Variants in PCCA observed in about 807,000 individuals in gnomAD.
PCCA encodes propionyl-CoA carboxylase alpha chain, mitochondrial.
Under a neutral mutation model 101.3 loss-of-function variants are expected in PCCA, and 74 were observed. The ratio of observed to expected loss-of-function variants is 0.73; its 90% CI spans 0.61 to 0.89. PCCA has a LOEUF of 0.89. Among genes scored for constraint, PCCA ranks in the 40% least tolerant of loss-of-function variants. The probability of loss-of-function intolerance (pLI) is 0.00; values close to 1 mark genes in which losing one functional copy is unlikely to be tolerated. For missense variants in PCCA, 891 were observed against 907.0 expected, an observed-to-expected ratio of 0.98 and a Z score of 0.23; for synonymous variants, 294 against 313.6, an observed-to-expected ratio of 0.94 and a Z score of 0.66.
intron 19 of PCCA, among the ~76,000 whole-genome samples, chr13:100,382,878 G>C (rs558245227): frequency 3.9e-5 from 6 of 152,108 alleles, no homozygotes; most frequent in African/African-American, 1.4e-4. Context: ...CATTAATAGA[G>C]GTGTCATCAA....
At chr13:100,197,420 C>T (rs573918918) in intron 6 of PCCA, among the ~76,000 whole-genome samples, 2 of 151,844 alleles carry the variant, frequency 1.3e-5, no homozygotes, top group Admixed American at 1.3e-4. Flanking sequence ...ATCTTGAACT[C>T]CTGGGCTTTA....
intron 22 of PCCA, among the ~76,000 whole-genome samples, chr13:100,520,369 C>T (rs768793884): frequency 2.0e-5 from 3 of 152,180 alleles, no homozygotes; most frequent in Non-Finnish European, 4.4e-5. Context: ...GGTTTTTGGC[C>T]GGGCGCGGTG....
At chr13:100,111,250 C>A (rs2048292629) in intron 2 of PCCA, among the ~76,000 whole-genome samples, 1 of 126,600 alleles carries the variant, frequency 7.9e-6, no homozygotes, top group Admixed American at 1.0e-4. Flanking sequence ...TCAGGATGGT[C>A]TCGATCTCCT....
chr13:100,201,457 G>T (rs903807987), intron 6 of PCCA, among the ~76,000 whole-genome samples: 1 of 152,064 alleles, frequency 6.6e-6, no homozygotes. Flanking sequence ...CTACGTTTCA[G>T]TTTCATATAA....
At chr13:100,488,831 A>G (rs922849316) in intron 21 of PCCA, among the ~76,000 whole-genome samples, 9 of 151,936 alleles carry the variant, frequency 5.9e-5, no homozygotes, top group African/African-American at 1.9e-4. Flanking sequence ...GGAAAGTGCT[A>G]TAGTAAACTT....
intron 18 of PCCA, among the ~76,000 whole-genome samples, chr13:100,365,946 T>C (rs2075117650): frequency 6.6e-6 from 1 of 152,160 alleles, no homozygotes; most frequent in African/African-American, 2.4e-5. Context: ...GGTAGCTTGG[T>C]TTAAGAGTCT....
chr13:100,142,359 C>CTT (rs1188349965), intron 4 of PCCA, among the ~76,000 whole-genome samples: 1 of 152,102 alleles, frequency 6.6e-6, no homozygotes, highest in African/African-American at 2.4e-5. Context: ...TTGCCTATTG[C>CTT]TGCTGCCAGG....
intron 11 of PCCA, among the ~76,000 whole-genome samples, chr13:100,272,064 A>G (rs1188712080): frequency 6.6e-6 from 1 of 152,258 alleles, no homozygotes; most frequent in South Asian, 2.1e-4. Context: ...CTTTCATAGA[A>G]GCAAAATCTG....
At chr13:100,230,837 G>T (rs2060426465) in intron 7 of PCCA, among the ~76,000 whole-genome samples, 3 of 152,174 alleles carry the variant, frequency 2.0e-5, no homozygotes, top group Admixed American at 6.5e-5. Flanking sequence ...TAATGGGCTA[G>T]GGAGGTGCAG....
chr13:100,249,753 A>G (rs476423), intron 8 of PCCA, among the ~76,000 whole-genome samples: 106,877 of 152,012 alleles, frequency 0.7, 38,642 homozygotes, highest in African/African-American at 0.88. Context: ...TTCTTTCGTC[A>G]GAGTTTTGTA....
chr13:100,234,892 AACACAC>A (rs370152898), intron 7 of PCCA, among the ~76,000 whole-genome samples: 13 of 95,282 alleles, frequency 1.4e-4, no homozygotes, highest in Non-Finnish European at 6.5e-5. Context: ...GAATTACACA[AACACAC>A]ACACACACAC....
chr13:100,233,038 T>A (rs1195793638), intron 7 of PCCA, among the ~76,000 whole-genome samples: 5 of 151,900 alleles, frequency 3.3e-5, no homozygotes, highest in Non-Finnish European at 5.9e-5. Flanking sequence ...TTTTTCAGAA[T>A]TTTTTTCTTA....
At chr13:100,342,410 T>C (rs897206266) in intron 18 of PCCA, among the ~76,000 whole-genome samples, 3 of 151,930 alleles carry the variant, frequency 2.0e-5, no homozygotes, top group African/African-American at 7.3e-5. Flanking sequence ...ACTACAGGCA[T>C]ACACTACCAC....
rs1271611045 is a variant in PCCA at position 100,515,599 on chromosome 13, T to A, written c.2040+32T>A. 5 of 1,610,542 alleles carry A rather than the reference T, an allele frequency of 3.1e-6. No individual in the cohort carries two copies. In the African/African-American group the frequency reaches 6.7e-5, roughly 21 times the overall value. ...GCTGTGTGTGTCTCTCTGCAGGACA[T>A]GCTGGTCTCCAACTTCCCCTTCCAA... On this transcript the variant is annotated intron_variant, in intron 22 of 23. Coordinates refer to ENST00000376285, the MANE Select transcript of PCCA (RefSeq NM_000282.4).
At chr13:100,117,842 C>T (rs767287009) in intron 4 of PCCA, among the ~76,000 whole-genome samples, 18 of 151,862 alleles carry the variant, frequency 1.2e-4, no homozygotes, top group Non-Finnish European at 2.2e-4. Context: ...AGAGGCCGGG[C>T]GTAGTGGCTC....
chr13:100,140,572 C>T (rs748589269), intron 4 of PCCA, among the ~76,000 whole-genome samples: 1 of 152,142 alleles, frequency 6.6e-6, no homozygotes, highest in Non-Finnish European at 1.5e-5. Flanking sequence ...TTTCCAAGGT[C>T]GGTCAGGGAG....
chr13:100,366,358 C>T (rs753798586), intron 18 of PCCA, among the ~76,000 whole-genome samples: 1 of 152,134 alleles, frequency 6.6e-6, no homozygotes, highest in Non-Finnish European at 1.5e-5. Flanking sequence ...TCAGCCTCCC[C>T]TTCTACACGT....
At position 100,246,696 on chromosome 13, in the gene PCCA, C is replaced by A. The variant is rs576227513; in HGVS notation, c.637+10818C>A. 2.6e-5 allele frequency among the ~76,000 whole-genome samples: 4 copies of A among 151,990 alleles called. No homozygotes were observed. In the East Asian group the frequency reaches 5.8e-4, roughly 22 times the overall value. ...TTATTATTGATTTCTAACTTAATTGCTTTGTGGTCAGAGAGTATCATGTTT... is the reference window on the plus strand; with the variant it reads ...TTATTATTGATTTCTAACTTAATTGATTTGTGGTCAGAGAGTATCATGTTT... On this transcript the variant is annotated intron_variant, in intron 8 of 23. Transcript: ENST00000376285.
chr13:100,360,996 G>T (rs1181155089), intron 18 of PCCA, among the ~76,000 whole-genome samples: 1 of 152,180 alleles, frequency 6.6e-6, no homozygotes, highest in Non-Finnish European at 1.5e-5. Flanking sequence ...GGCATGAAAA[G>T]ACAGTGGAAA....
Sources: allele counts gnomAD v4.1 joint callset (sites outside exome capture counted in the v4.1 genomes callset), GRCh38; gene constraint gnomAD v4.1.1; transcripts MANE v1.5; gene names NCBI Gene and HGNC (gene_info 2026-07-23, HGNC 2026-07-21).